Variants in TRIO observed in about 807,000 individuals in gnomAD.
TRIO encodes the protein trio Rho guanine nucleotide exchange factor.
A neutral mutation model predicts 351.9 loss-of-function variants in TRIO; 58 were observed. The observed-to-expected ratio is 0.16, with a 90% CI of 0.13 to 0.21. The LOEUF (loss-of-function observed/expected upper bound fraction) is 0.21, where lower values mean the gene tolerates loss of function less well. TRIO is among the 10% of genes least tolerant of loss of function. The probability of loss-of-function intolerance (pLI) is 1.00; values close to 1 mark genes in which losing one functional copy is unlikely to be tolerated. For missense variants in TRIO, 3,201 were observed against 4,027.8 expected, an observed-to-expected ratio of 0.79 and a Z score of 5.56; for synonymous variants, 1,758 against 1,595.7, an observed-to-expected ratio of 1.10 and a Z score of -2.42.
chr5:14,479,873 T>C (rs1755384814), intron 42 of TRIO, 46 bp from the exon 43 acceptor site: 1 of 1,583,326 alleles, frequency 6.3e-7, no homozygotes, highest in Non-Finnish European at 8.7e-7. Context: ...AAAATTGCCC[T>C]TTAATGAACA....
Position 14,330,760 on chromosome 5 carries a change from A to G in TRIO, c.1732-18A>G, listed in dbSNP as rs16903402. ...AGGACATTGTTTTTATGGCATATGT[A>G]CCTGTATTTCATTGTAGGTGCTAGA... On this transcript the variant is annotated intron_variant, in intron 9 of 56. Coordinates refer to ENST00000344204, the MANE Select transcript of TRIO (RefSeq NM_007118.4). The G allele has an allele frequency of 1.1e-3, 1,730 of 1,613,550 alleles. 18 individuals carry two copies. In the African/African-American group the frequency reaches 0.021, roughly 19 times the overall value.
intron 1 of TRIO, among the ~76,000 whole-genome samples, chr5:14,192,466 G>T (rs1052669902): frequency 1.3e-5 from 2 of 151,990 alleles, no homozygotes; most frequent in African/African-American, 4.8e-5. Flanking sequence ...TAGAGACAAG[G>T]TCTCACTATA....
chr5:14,303,087 G>T (rs927849860), intron 7 of TRIO, among the ~76,000 whole-genome samples: 5 of 149,230 alleles, frequency 3.4e-5, no homozygotes, highest in African/African-American at 1.2e-4. Flanking sequence ...AGGAGATTGA[G>T]CCGGGATTGG....
rs774030939 is a variant in TRIO at position 14,472,575 on chromosome 5, A to G, written c.5913-17A>G. On this transcript the variant is annotated splice_polypyrimidine_tract_variant and intron_variant, in intron 38 of 56. Coordinates refer to ENST00000344204, the MANE Select transcript of TRIO (RefSeq NM_007118.4). ...TAGAAAACAGTTTGCATGATAAACAATATTTTTTCTCTCCAGCTACGTTTT... is the reference window on the plus strand; with the variant it reads ...TAGAAAACAGTTTGCATGATAAACAGTATTTTTTCTCTCCAGCTACGTTTT... 6.2e-7 allele frequency: 1 copy of G among 1,613,616 alleles called. No individual in the cohort carries two copies. The highest frequency in any genetic ancestry group is 1.1e-5 in the South Asian group (1 of 91,026).
chr5:14,281,731 A>T (rs1736022656), intron 3 of TRIO, among the ~76,000 whole-genome samples: 1 of 152,166 alleles, frequency 6.6e-6, no homozygotes, highest in Non-Finnish European at 1.5e-5. Flanking sequence ...GAAGGGCATC[A>T]GTGGCAGCCA....
chr5:14,155,026 G>A (rs981018256), intron 1 of TRIO, among the ~76,000 whole-genome samples: 16 of 152,206 alleles, frequency 1.1e-4, no homozygotes, highest in Admixed American at 5.9e-4. Flanking sequence ...GCTCAGGTCC[G>A]AATTAACTTA....
At chr5:14,279,349 T>C (rs1223272137) in intron 2 of TRIO, among the ~76,000 whole-genome samples, 2 of 148,348 alleles carry the variant, frequency 1.3e-5, no homozygotes, top group Admixed American at 6.7e-5. Flanking sequence ...AAGGAAAGAA[T>C]CTTCTGGGTT....
chr5:14,243,718 G>A (rs747071687), intron 1 of TRIO, among the ~76,000 whole-genome samples: 1 of 152,116 alleles, frequency 6.6e-6, no homozygotes, highest in Non-Finnish European at 1.5e-5. Flanking sequence ...TGCATTAAAA[G>A]ACCATATTGA....
chr5:14,456,957 AAAG>A (rs1753358387), intron 34 of TRIO, among the ~76,000 whole-genome samples: 1 of 152,240 alleles, frequency 6.6e-6, no homozygotes, highest in African/African-American at 2.4e-5. Flanking sequence ...ACAACCCAGC[AAAG>A]AGCATAGACA....
At chr5:14,334,712 A>T (rs1315911404) in intron 10 of TRIO, among the ~76,000 whole-genome samples, 1 of 152,216 alleles carries the variant, frequency 6.6e-6, no homozygotes, top group Non-Finnish European at 1.5e-5. Flanking sequence ...CATGATAGAG[A>T]TGCAGACACA....
chr5:14,422,714 G>C (rs996936279), intron 34 of TRIO, among the ~76,000 whole-genome samples: 4 of 152,128 alleles, frequency 2.6e-5, no homozygotes, highest in Non-Finnish European at 5.9e-5. Flanking sequence ...ATTTGGGAGA[G>C]GATAAAAATA....
chr5:14,400,745 C>T (rs1748003279), intron 30 of TRIO, among the ~76,000 whole-genome samples: 1 of 152,162 alleles, frequency 6.6e-6, no homozygotes, highest in African/African-American at 2.4e-5. Context: ...CTGGGGTCTC[C>T]AGTAAGAGAC....
At chr5:14,223,814 A>G (rs1432516009) in intron 1 of TRIO, among the ~76,000 whole-genome samples, 2 of 152,140 alleles carry the variant, frequency 1.3e-5, no homozygotes, top group African/African-American at 2.4e-5. Flanking sequence ...TCAAATTCCT[A>G]TCGAATTTTA....
intron 53 of TRIO, among the ~76,000 whole-genome samples, chr5:14,501,974 A>G (rs1006692012): frequency 1.3e-5 from 2 of 152,224 alleles, no homozygotes; most frequent in Non-Finnish European, 1.5e-5. Context: ...GTTCCTGTGG[A>G]CATGTACACA....
intron 34 of TRIO, among the ~76,000 whole-genome samples, chr5:14,424,523 G>T (rs116167163): frequency 0.02 from 3,112 of 152,190 alleles, 41 homozygotes; most frequent in Non-Finnish European, 0.03. Context: ...AAAACCTTTT[G>T]CTTGTGGGTG....
intron 9 of TRIO, among the ~76,000 whole-genome samples, chr5:14,326,330 A>G (rs1307834681): frequency 2.0e-5 from 3 of 152,228 alleles, no homozygotes; most frequent in Non-Finnish European, 4.4e-5. Context: ...TTTTCATTAC[A>G]AACAGGGAGT....
At position 14,213,873 on chromosome 5, in the gene TRIO, A is replaced by G. The variant is rs531768245; in HGVS notation, c.158-56952A>G. Among the ~76,000 whole-genome samples the G allele has an allele frequency of 4.6e-5, 7 of 152,354 alleles. No individual in the cohort carries two copies. The South Asian group carries it at 1.5e-3, about 32-fold the overall frequency. ...CACAAAAAGACCATGGTACTGGCCC[A>G]GGGCAGGAGACTGACAGTGAGGGAC... On this transcript the variant is annotated intron_variant, in intron 1 of 56. Transcript: ENST00000344204.
chr5:14,481,973 C>T (rs1050004963), intron 45 of TRIO, among the ~76,000 whole-genome samples: 1 of 151,930 alleles, frequency 6.6e-6, no homozygotes, highest in African/African-American at 2.4e-5. Context: ...GAGGTCCCCA[C>T]TCTCTCATCT....
In TRIO at chr5:14,479,901, T is replaced by C; in HGVS notation, c.6244-18T>C. On this transcript the variant is annotated intron_variant, in intron 42 of 56. Coordinates refer to ENST00000344204, the MANE Select transcript of TRIO (RefSeq NM_007118.4). ...AATGAACAGCCCATACGATCTTTTC[T>C]CTCTCTTAAAACTGTAGGACTTAAA... 1 of 1,612,502 alleles carries C rather than the reference T, an allele frequency of 6.2e-7. No individual in the cohort carries two copies. Among genetic ancestry groups the C allele is most frequent in the Non-Finnish European group, 8.5e-7 (1 of 1,178,878 alleles).
Sources: allele counts gnomAD v4.1 joint callset (sites outside exome capture counted in the v4.1 genomes callset), GRCh38; gene constraint gnomAD v4.1.1; transcripts MANE v1.5; gene names NCBI Gene and HGNC (gene_info 2026-07-23, HGNC 2026-07-21).